Variants in PRUNE1 observed in about 807,000 individuals in gnomAD.
PRUNE1 encodes exopolyphosphatase PRUNE1.
Under a neutral mutation model 42.5 loss-of-function variants are expected in PRUNE1, and 25 were observed. The observed-to-expected ratio is 0.59, with a 90% CI of 0.43 to 0.82. The LOEUF (loss-of-function observed/expected upper bound fraction) is 0.82, where lower values mean the gene tolerates loss of function less well. PRUNE1 is among the 40% of genes least tolerant of loss of function. The pLI is 0.00. For missense variants in PRUNE1, 443 were observed against 539.3 expected, an observed-to-expected ratio of 0.82 and a Z score of 1.77; for synonymous variants, 203 against 217.1, an observed-to-expected ratio of 0.93 and a Z score of 0.57.
In PRUNE1 at chr1:151,012,646, C is replaced by T. The variant is rs1344123206; in HGVS notation, c.39+3975C>T. Reference sequence around the variant, plus strand: ...AAAGACATTAGGTAGACTTGAACAACGGGGAGAAGTAAAGAAAGAAGATGG... The same window carrying T: ...AAAGACATTAGGTAGACTTGAACAATGGGGAGAAGTAAAGAAAGAAGATGG... On this transcript the variant is annotated intron_variant, in intron 1 of 7. Transcript: ENST00000271620. 1.3e-5 allele frequency among the ~76,000 whole-genome samples: 2 copies of T among 152,052 alleles called. 1 individual carries two copies. The highest frequency in any genetic ancestry group is 4.1e-4 in the South Asian group (2 of 4,822).
intron 6 of PRUNE1, 56 bp downstream of exon 6, chr1:151,027,383 A>T: frequency 1.5e-6 from 2 of 1,329,264 alleles, no homozygotes; most frequent in Non-Finnish European, 2.2e-6. Context: ...TATGCATGTT[A>T]TGCATGTGGC....
Position 151,024,688 on chromosome 1 carries a change from G to A in PRUNE1, c.413G>A (p.Cys138Tyr). ...ATCGAGCCGAAACACTGCCCTCCCTGCCATGTTTCAGTTGAGCTGGTGGGG... is the reference window on the plus strand; with the variant it reads ...ATCGAGCCGAAACACTGCCCTCCCTACCATGTTTCAGTTGAGCTGGTGGGG... ...RPIEPKHCPP[C>Y]HVSVELVGSC... The change falls in exon 4 of 8, where the codon TGC (cysteine) becomes TAC (tyrosine). Residue 138 changes from cysteine (C) to tyrosine (Y), a missense_variant. Physicochemically the swap from Cys to Tyr is radical, Grantham distance 194. Coordinates refer to ENST00000271620, the MANE Select transcript of PRUNE1 (RefSeq NM_021222.3). 6.2e-7 allele frequency: 1 copy of A among 1,614,088 alleles called. No homozygotes were observed. The highest frequency in any genetic ancestry group is 8.5e-7 in the Non-Finnish European group (1 of 1,179,954).
intron 3 of PRUNE1, among the ~76,000 whole-genome samples, chr1:151,023,310 G>A (rs763333300): frequency 1.3e-5 from 2 of 152,132 alleles, no homozygotes; most frequent in Non-Finnish European, 2.9e-5. Context: ...AGATATTGAG[G>A]GCCTAGAGTG....
At chr1:151,032,892 G>T (rs1675321402) in intron 7 of PRUNE1, among the ~76,000 whole-genome samples, 1 of 151,560 alleles carries the variant, frequency 6.6e-6, no homozygotes, top group Non-Finnish European at 1.5e-5. Flanking sequence ...TCCTATCTCA[G>T]CCTCCCAAGT....
chr1:151,017,108 A>AAG (rs1553252611), intron 1 of PRUNE1, among the ~76,000 whole-genome samples: 5 of 151,572 alleles, frequency 3.3e-5, no homozygotes, highest in African/African-American at 7.3e-5. Context: ...AAAAAAAAAA[A>AAG]AAGTATAAGC....
chr1:151,026,329 G>A (rs1474388904), intron 5 of PRUNE1, among the ~76,000 whole-genome samples: 1 of 151,916 alleles, frequency 6.6e-6, no homozygotes, highest in Non-Finnish European at 1.5e-5. Flanking sequence ...GTGGTGGTGT[G>A]TGCCTGTAAT....
chr1:151,009,882 G>A (rs183987052), intron 1 of PRUNE1, among the ~76,000 whole-genome samples: 37 of 152,242 alleles, frequency 2.4e-4, no homozygotes, highest in Non-Finnish European at 1.2e-4. Context: ...CTTATTGGAG[G>A]ACTAATGTAG....
In PRUNE1 at chr1:151,033,890, C is replaced by T. The variant is rs781188837; in HGVS notation, c.1018C>T (p.Leu340Phe). 2 of 1,613,768 alleles carry T rather than the reference C, an allele frequency of 1.2e-6. No individual in the cohort carries two copies. Among genetic ancestry groups the T allele is most frequent in the South Asian group, 2.2e-5 (2 of 91,076 alleles). ...SSTHPNLHAY[L>F]QGNTQVSRKK... is the part of the protein sequence containing the mutation. The stretch of plus-strand genomic sequence containing the variant: ...TACCCACCCTAACCTCCATGCCTAT[C>T]TTCAAGGCAACACCCAGGTCTCTCG... Residue 340 changes from leucine (L) to phenylalanine (F), a missense_variant, in exon 8 of 8, where the codon CTT becomes TTT. Physicochemically the swap from Leu to Phe is conservative, Grantham distance 22. Coordinates refer to ENST00000271620, the MANE Select transcript of PRUNE1 (RefSeq NM_021222.3).
At chr1:151,029,211 G>A (rs1484559007) in intron 7 of PRUNE1, among the ~76,000 whole-genome samples, 2 of 150,974 alleles carry the variant, frequency 1.3e-5, no homozygotes, top group Non-Finnish European at 2.9e-5. Context: ...GAGAACTAGA[G>A]ATTCAATTCC....
intron 7 of PRUNE1, among the ~76,000 whole-genome samples, chr1:151,032,638 G>A (rs187760440): frequency 7.3e-5 from 11 of 151,362 alleles, no homozygotes; most frequent in South Asian, 2.1e-4. Flanking sequence ...CACTTGAACC[G>A]GGGAGGCAGA....
In PRUNE1 at chr1:151,034,124, G is replaced by T; in HGVS notation, c.1252G>T (p.Glu418Ter). 6.2e-7 allele frequency: 1 copy of T among 1,614,218 alleles called. No individual in the cohort carries two copies. The highest frequency in any genetic ancestry group is 8.5e-7 in the Non-Finnish European group (1 of 1,180,052). Reference sequence around the variant, plus strand: ...GACGCCCATGAACAGCTTGGTGGATGAGTGCCCTCTAGATCAGGGGCTGCC... The same window carrying T: ...GACGCCCATGAACAGCTTGGTGGATTAGTGCCCTCTAGATCAGGGGCTGCC... ...PPTPMNSLVD[E>*]CPLDQGLPKL... Residue 418 changes from glutamate to a stop codon, truncating the protein, a stop_gained, in exon 8 of 8, where the codon GAG becomes TAG. Transcript: ENST00000271620. LOFTEE classifies it high-confidence loss of function.
At position 151,027,876 on chromosome 1, in the gene PRUNE1, G is replaced by A. The variant is rs182627175; in HGVS notation, c.774+549G>A. 1.7e-4 allele frequency among the ~76,000 whole-genome samples: 26 copies of A among 152,034 alleles called. No homozygotes were observed. In the East Asian group the frequency reaches 3.5e-3, roughly 20 times the overall value. ...TCAAGCAGTTCTCCTTTTGGCCTCC[G>A]AAGTTCTGGGATTATAGGCGTGAGC... On this transcript the variant is annotated intron_variant, in intron 6 of 7. Coordinates refer to ENST00000271620, the MANE Select transcript of PRUNE1 (RefSeq NM_021222.3).
At chr1:151,011,709 A>T (rs1220319692) in intron 1 of PRUNE1, among the ~76,000 whole-genome samples, 3 of 152,148 alleles carry the variant, frequency 2.0e-5, no homozygotes, top group African/African-American at 7.2e-5. Flanking sequence ...TCTTGAGGCC[A>T]CAAAGAACAT....
rs1290320161 is a variant in PRUNE1 at position 151,034,813 on chromosome 1, T to C, written c.*579T>C. On this transcript the variant is annotated 3_prime_UTR_variant, in exon 8 of 8. Transcript: ENST00000271620. ...TTCAGAGATGGCTGAATTTCTATTCTTAGCTTATTGTGACTGTTTCAGATC... is the reference window on the plus strand; with the variant it reads ...TTCAGAGATGGCTGAATTTCTATTCCTAGCTTATTGTGACTGTTTCAGATC... 6.3e-6 allele frequency: 1 copy of C among 157,846 alleles called. No homozygotes were observed. The highest frequency in any genetic ancestry group is 2.4e-5 in the African/African-American group (1 of 41,474). 9.8% of individuals were successfully genotyped at this position (157,846 alleles called of 1,614,324 possible).
intron 7 of PRUNE1, among the ~76,000 whole-genome samples, chr1:151,032,447 C>T (rs1056166581): frequency 7.2e-5 from 11 of 151,872 alleles, no homozygotes; most frequent in Admixed American, 5.2e-4. Context: ...CTTGGTGGCT[C>T]ACACCTGTAA....
At chr1:151,019,693 G>C (rs772848109) in intron 3 of PRUNE1, among the ~76,000 whole-genome samples, 15 of 151,700 alleles carry the variant, frequency 9.9e-5, no homozygotes, top group Admixed American at 7.9e-4. Context: ...TAGAGAAGAG[G>C]GTCTTGCTAT....
chr1:151,022,449 C>T (rs1352068795), intron 3 of PRUNE1, among the ~76,000 whole-genome samples: 27 of 131,134 alleles, frequency 2.1e-4, no homozygotes, highest in Admixed American at 1.8e-3. Context: ...GACGTAGTCT[C>T]GCTCTGTCGC....
intron 3 of PRUNE1, among the ~76,000 whole-genome samples, chr1:151,023,330 CAG>C (rs1473188131): frequency 2.0e-5 from 3 of 152,200 alleles, no homozygotes; most frequent in Non-Finnish European, 2.9e-5. Context: ...GGGGCAGTAA[CAG>C]AGAGTTAGAA....
chr1:151,034,600 C>T lies in PRUNE1; in HGVS notation c.*366C>T, dbSNP rs917348739. 1 of 212,044 alleles carries T rather than the reference C, an allele frequency of 4.7e-6. No homozygotes were observed. The highest frequency in any genetic ancestry group is 1.0e-4 in the South Asian group (1 of 9,930). The allele number at this position is 212,044 out of a possible 1,614,324, so 13.1% of individuals were successfully genotyped here. A position where few individuals can be genotyped will look rare whatever the true frequency, so the allele number is the denominator to read the frequency against. On this transcript the variant is annotated 3_prime_UTR_variant, in exon 8 of 8. Transcript: ENST00000271620. Reference sequence around the variant, plus strand: ...AACAGAACCAGTATCTGTCATGGAACTGAACATTCATCGATGGTCTCCATG... The same window carrying T: ...AACAGAACCAGTATCTGTCATGGAATTGAACATTCATCGATGGTCTCCATG...
Sources: gnomAD v4.1 joint callset for allele counts (sites outside exome capture counted in the v4.1 genomes callset) on GRCh38, gnomAD v4.1.1 for gene constraint, MANE v1.5 for transcripts, NCBI Gene and HGNC (gene_info 2026-07-23, HGNC 2026-07-21) for gene names.